The following TENM3 variants were observed in gnomAD, a reference collection of about 807,000 sequenced individuals.
TENM3 encodes teneurin-3.
Under a neutral mutation model 255.1 loss-of-function variants are expected in TENM3, and 63 were observed. The observed-to-expected ratio is 0.25, with a 90% CI of 0.20 to 0.30. TENM3 has a LOEUF of 0.30. TENM3 is among the 10% of genes least tolerant of loss of function. The probability of loss-of-function intolerance (pLI) is 1.00; values close to 1 mark genes in which losing one functional copy is unlikely to be tolerated. For missense variants in TENM3, 2,929 were observed against 3,461.1 expected, an observed-to-expected ratio of 0.85 and a Z score of 3.86; for synonymous variants, 1,306 against 1,322.3, an observed-to-expected ratio of 0.99 and a Z score of 0.27.
intron 3 of TENM3, among the ~76,000 whole-genome samples, chr4:182,405,094 A>G (rs1488619119): frequency 6.6e-6 from 1 of 152,148 alleles, no homozygotes; most frequent in Non-Finnish European, 1.5e-5. Flanking sequence ...CAAACCCAGT[A>G]CCCAGAACCT....
intron 3 of TENM3, among the ~76,000 whole-genome samples, chr4:182,592,489 C>T (rs1295523676): frequency 6.6e-6 from 1 of 152,172 alleles, no homozygotes; most frequent in Non-Finnish European, 1.5e-5. Context: ...TTTGGGAGGC[C>T]AAGGTGGGTG....
upstream of TENM3, chr4:182,141,941 G>A (rs1438581123): frequency 1.3e-5 from 2 of 152,190 alleles, no homozygotes; most frequent in African/African-American, 4.8e-5. Flanking sequence ...GACAGTAAGA[G>A]GGAGTCTCAC....
intron 12 of TENM3, chr4:182,698,246 C>T (rs1757581036): frequency 6.6e-6 from 1 of 152,130 alleles, no homozygotes; most frequent in Non-Finnish European, 1.5e-5. Flanking sequence ...ATACTACCTG[C>T]CAAGGGTTTA....
chr4:182,120,231 A>G, the TENM3 span, among the ~76,000 whole-genome samples: 1 of 152,072 alleles, frequency 6.6e-6, no homozygotes, highest in Non-Finnish European at 1.5e-5. Context: ...TTGTGTTACA[A>G]CTGCCTACAG....
chr4:182,130,451 AC>A, the TENM3 span, among the ~76,000 whole-genome samples: 102 of 152,326 alleles, frequency 6.7e-4, 1 homozygote, highest in African/African-American at 2.4e-3. Flanking sequence ...ATTAACAGTT[AC>A]AAAAACATTG....
the TENM3 span, among the ~76,000 whole-genome samples, chr4:182,105,842 G>A: frequency 3.3e-5 from 5 of 152,330 alleles, no homozygotes; most frequent in East Asian, 1.9e-4. Context: ...TTGGAAGAGT[G>A]AGGGAATGGG....
chr4:181,982,696 T>G, the TENM3 span, among the ~76,000 whole-genome samples: 1 of 152,274 alleles, frequency 6.6e-6, no homozygotes, highest in Non-Finnish European at 1.5e-5. Context: ...TGAATATGGA[T>G]TCAATTGTTT....
chr4:182,682,565 G>A (rs1756257855), intron 11 of TENM3, among the ~76,000 whole-genome samples: 1 of 152,150 alleles, frequency 6.6e-6, no homozygotes, highest in South Asian at 2.1e-4. Context: ...CTATGTGCAT[G>A]GCATTGTGAT....
intron 3 of TENM3, among the ~76,000 whole-genome samples, chr4:182,367,491 A>G (rs1417781992): frequency 1.3e-5 from 2 of 152,188 alleles, no homozygotes; most frequent in East Asian, 1.9e-4. Context: ...GTCAAGATCC[A>G]CTACGAAATA....
the TENM3 span, among the ~76,000 whole-genome samples, chr4:181,550,483 G>A: frequency 3.7e-4 from 57 of 152,276 alleles, no homozygotes; most frequent in African/African-American, 1.3e-3. Flanking sequence ...TGACTGAACA[G>A]TATGAATTGA....
At position 182,341,529 on chromosome 4, in the gene TENM3, A is replaced by G. The variant is rs548293260; in HGVS notation, c.233-5122A>G. On this transcript the variant is annotated intron_variant, in intron 2 of 27. Transcript: ENST00000511685. ...CCTGCAGATCCGAAGACATGGGTCC[A>G]ACTCATTCTTTATGCTAACCACAGT... is the stretch of plus-strand genomic sequence containing the variant. 3.9e-5 allele frequency among the ~76,000 whole-genome samples: 6 copies of G among 152,324 alleles called. No homozygotes were observed. The South Asian group carries it at 1.0e-3, about 26-fold the overall frequency.
chr4:181,453,495 GA>G, the TENM3 span, among the ~76,000 whole-genome samples: 2 of 152,074 alleles, frequency 1.3e-5, no homozygotes, highest in Non-Finnish European at 2.9e-5. Flanking sequence ...TCCGATGACA[GA>G]AGTGATTGGG....
chr4:182,693,047 T>G (rs1757129848), intron 12 of TENM3, among the ~76,000 whole-genome samples: 1 of 152,216 alleles, frequency 6.6e-6, no homozygotes. Flanking sequence ...ACTTTTTGTT[T>G]TTCCTATGGC....
At chr4:181,797,733 AC>A in the TENM3 span, among the ~76,000 whole-genome samples, 2 of 152,218 alleles carry the variant, frequency 1.3e-5, no homozygotes, top group Non-Finnish European at 2.9e-5. Flanking sequence ...GAATGAGACT[AC>A]TAAAAACTGG....
the TENM3 span, among the ~76,000 whole-genome samples, chr4:181,898,342 T>G: frequency 2.0e-5 from 3 of 152,196 alleles, no homozygotes; most frequent in African/African-American, 7.2e-5. Flanking sequence ...CAGTGTTTTA[T>G]TCTAGGTGTT....
At chr4:182,088,627 G>T in the TENM3 span, among the ~76,000 whole-genome samples, 1 of 152,080 alleles carries the variant, frequency 6.6e-6, no homozygotes, top group African/African-American at 2.4e-5. Flanking sequence ...GAGGTCAGGA[G>T]ATCAAGATCA....
chr4:182,330,907 TA>T (rs1647333724), intron 2 of TENM3, among the ~76,000 whole-genome samples: 2 of 152,170 alleles, frequency 1.3e-5, no homozygotes, highest in Admixed American at 6.5e-5. Flanking sequence ...AGTAGAAAAG[TA>T]AAAGTGTTCC....
chr4:182,013,283 A>G, the TENM3 span, among the ~76,000 whole-genome samples: 27 of 152,364 alleles, frequency 1.8e-4, no homozygotes, highest in African/African-American at 6.5e-4. Flanking sequence ...TGACTACACT[A>G]ACACTGGCGT....
the TENM3 span, among the ~76,000 whole-genome samples, chr4:181,862,999 T>G: frequency 6.6e-6 from 1 of 152,184 alleles, no homozygotes; most frequent in Middle Eastern, 3.2e-3. Context: ...ATCATGTCTT[T>G]CACAAATACG....
Sources: allele counts gnomAD v4.1 joint callset (sites outside exome capture counted in the v4.1 genomes callset), GRCh38; gene constraint gnomAD v4.1.1; transcripts MANE v1.5; gene names NCBI Gene and HGNC (gene_info 2026-07-23, HGNC 2026-07-21).